ABR: variants seen among roughly 807,000 people sequenced by gnomAD.
The protein encoded by ABR is active breakpoint cluster region-related protein.
A neutral mutation model predicts 107.2 loss-of-function variants in ABR; 35 were observed. That is an observed-to-expected ratio of 0.33 (90% CI 0.25 to 0.43). ABR has a LOEUF of 0.43. Among genes scored for constraint, ABR ranks in the 20% least tolerant of loss-of-function variants. ABR has a pLI of 1.00. For synonymous variants in ABR, 498 were observed against 462.0 expected (o/e 1.08, Z -1.00); for missense variants, 815 against 1,115.2 (o/e 0.73, Z 3.83).
upstream of ABR, chr17:1,184,947 G>A (rs1299767594): frequency 6.6e-6 from 1 of 152,204 alleles, no homozygotes; most frequent in Non-Finnish European, 1.5e-5. Flanking sequence ...AGAAATTGAG[G>A]TGCAGAGAGG....
At chr17:1,221,150 C>A (rs2043113496) in intron 1 of ABR, among the ~76,000 whole-genome samples, 1 of 152,216 alleles carries the variant, frequency 6.6e-6, no homozygotes, top group South Asian at 2.1e-4. Flanking sequence ...AATATCAATT[C>A]TTCTATTTTT....
chr17:1,073,587 C>G, intron 7 of ABR, 38 bp downstream of exon 7: 1 of 1,507,674 alleles, frequency 6.6e-7, no homozygotes, highest in Non-Finnish European at 9.0e-7. Context: ...CACTGAACTC[C>G]TAAGCCCTCT....
intron 2 of ABR, chr17:1,109,070 G>A (rs368520662): frequency 2.3e-5 from 37 of 1,590,354 alleles, no homozygotes; most frequent in African/African-American, 4.1e-5. Flanking sequence ...CTCCTCCATG[G>A]CAGCCGGAGC....
intron 6 of ABR, among the ~76,000 whole-genome samples, chr17:1,077,611 C>G (rs1324732181): frequency 1.3e-5 from 2 of 152,160 alleles, no homozygotes; most frequent in Non-Finnish European, 1.5e-5. Flanking sequence ...GGCACTGGCC[C>G]CACACAGCCC....
rs912118766 is a variant in ABR, at chr17:1,210,187, T to C, written c.838+18606A>G. Among the ~76,000 whole-genome samples the C allele has an allele frequency of 1.3e-5, 2 of 152,266 alleles. No homozygotes were observed. The highest frequency in any genetic ancestry group is 4.1e-4 in the South Asian group (2 of 4,830). ...GCTCAGCCCAGCTGTGTTGGTACTG[T>C]GGGGGCTGTCACTTTTTACCTGCGT... On this transcript the variant is annotated intron_variant, in intron 1 of 22. Transcript: ENST00000574139. This position sits in a 1 kb window ranked among gnomAD's most constrained non-coding sequence, Gnocchi z 5.6.
chr17:1,195,733 G>A (rs1567882909), intron 1 of ABR, among the ~76,000 whole-genome samples: 1 of 151,096 alleles, frequency 6.6e-6, no homozygotes, highest in Non-Finnish European at 1.5e-5. Context: ...GAACCCGGGA[G>A]GCAAAGGTTG....
chr17:1,043,937 G>C (rs569152952), intron 16 of ABR, among the ~76,000 whole-genome samples: 8 of 152,226 alleles, frequency 5.3e-5, no homozygotes, highest in African/African-American at 1.9e-4. Context: ...GGGCCCCTCA[G>C]GTTTAAGTAG....
chr17:1,171,372 C>T (rs971333518), intron 1 of ABR, among the ~76,000 whole-genome samples: 2 of 152,132 alleles, frequency 1.3e-5, no homozygotes, highest in Admixed American at 6.5e-5. Flanking sequence ...CCAACAGCCC[C>T]GAGTAAGCCC....
intron 1 of ABR, among the ~76,000 whole-genome samples, chr17:1,224,584 C>T (rs1460162500): frequency 2.0e-5 from 3 of 152,174 alleles, no homozygotes; most frequent in Non-Finnish European, 4.4e-5. Flanking sequence ...GACTCATGAG[C>T]CAAGATGACC....
chr17:1,125,468 C>G, intron 1 of ABR, 101 bp from the exon 2 acceptor site: 1 of 1,391,684 alleles, frequency 7.2e-7, no homozygotes, highest in Non-Finnish European at 1.0e-6. Context: ...CAGCCATGGC[C>G]CCGGCCGCAC....
chr17:1,050,401 G>A lies in ABR; in HGVS notation c.1659+136C>T. 4 of 990,350 alleles carry A rather than the reference G, an allele frequency of 4.0e-6. No individual in the cohort carries two copies. The South Asian group carries it at 5.8e-5, about 14-fold the overall frequency. The allele number at this position is 990,350 out of a possible 1,614,324, so 61.3% of individuals were successfully genotyped here. A position where few individuals can be genotyped will look rare whatever the true frequency, so the allele number is the denominator to read the frequency against. On this transcript the variant is annotated intron_variant, in intron 15 of 22. Transcript: ENST00000302538. The surrounding 1 kb of genome is among the most constrained non-coding windows in gnomAD (Gnocchi z 4.6). ...GACACCCAGACACACACCGCGATCA[G>A]AAGCCAGAGGAGCAGGGAGCAGAAA...
chr17:1,069,227 C>T (rs996815618), intron 9 of ABR, among the ~76,000 whole-genome samples: 7 of 152,228 alleles, frequency 4.6e-5, no homozygotes, highest in African/African-American at 9.6e-5. Flanking sequence ...AAGGAAGCAG[C>T]GCGGCAGGAG....
intron 1 of ABR, among the ~76,000 whole-genome samples, chr17:1,226,455 T>TGTGC (rs1219426152): frequency 6.6e-6 from 1 of 152,044 alleles, no homozygotes; most frequent in Non-Finnish European, 1.5e-5. Flanking sequence ...TGTGTATGTG[T>TGTGC]GTGCATGCAT....
At chr17:1,113,461 A>AT (rs1274119008) in intron 2 of ABR, among the ~76,000 whole-genome samples, 2 of 151,430 alleles carry the variant, frequency 1.3e-5, no homozygotes, top group Admixed American at 1.3e-4. Context: ...TAATTTTTGT[A>AT]TTTTTAGTAG....
chr17:1,212,423 A>G (rs535033241), intron 1 of ABR, among the ~76,000 whole-genome samples: 2 of 152,000 alleles, frequency 1.3e-5, no homozygotes, highest in East Asian at 1.9e-4. Flanking sequence ...AGACCATGAC[A>G]CTGTCTCAAA....
chr17:1,044,230 G>A (rs904559546), intron 16 of ABR, among the ~76,000 whole-genome samples: 1 of 152,220 alleles, frequency 6.6e-6, no homozygotes, highest in Non-Finnish European at 1.5e-5. Context: ...GGACCTGGAT[G>A]GGGTCCCTGA....
At chr17:1,142,222 G>T (rs1264156949) in intron 1 of ABR, among the ~76,000 whole-genome samples, 1 of 152,136 alleles carries the variant, frequency 6.6e-6, no homozygotes, top group African/African-American at 2.4e-5. Flanking sequence ...TGACTCTAAT[G>T]TATAGGAAGG....
intron 4 of ABR, among the ~76,000 whole-genome samples, chr17:1,088,984 C>T (rs1490218271): frequency 6.6e-6 from 1 of 150,858 alleles, no homozygotes; most frequent in Admixed American, 6.7e-5. Flanking sequence ...CAACCTCTGC[C>T]TCCCAGGTTC....
intron 4 of ABR, among the ~76,000 whole-genome samples, 190 bp downstream of exon 4, chr17:1,091,475 A>C (rs2037025705): frequency 6.6e-6 from 1 of 152,160 alleles, no homozygotes; most frequent in South Asian, 2.1e-4. Flanking sequence ...GCACCAGGGG[A>C]GGCCTAGAGT....
Sources: gnomAD v4.1 joint callset for allele counts (sites outside exome capture counted in the v4.1 genomes callset) on GRCh38, gnomAD v4.1.1 for gene constraint, Gnocchi (gnomAD v3.1) non-coding constraint, MANE v1.5 for transcripts, NCBI Gene and HGNC (gene_info 2026-07-23, HGNC 2026-07-21) for gene names.